ASB3: variants seen among roughly 807,000 people sequenced by gnomAD.
ASB3 encodes ankyrin repeat and SOCS box protein 3.
A neutral mutation model predicts 54.5 loss-of-function variants in ASB3; 41 were observed. That is an observed-to-expected ratio of 0.75 (90% CI 0.59 to 0.98). ASB3 has a LOEUF of 0.98. Ranked by LOEUF, ASB3 falls within the 50% of genes least tolerant of loss-of-function variation. The probability of loss-of-function intolerance (pLI) is 0.00; values close to 1 mark genes in which losing one functional copy is unlikely to be tolerated. For synonymous variants in ASB3, 266 were observed against 221.2 expected (o/e 1.20, Z -1.80); for missense variants, 733 against 620.0 (o/e 1.18, Z -1.94).
chr2:53,719,871 G>A (rs1670602515), intron 5 of ASB3, among the ~76,000 whole-genome samples: 1 of 152,110 alleles, frequency 6.6e-6, no homozygotes, highest in Non-Finnish European at 1.5e-5. Flanking sequence ...AGACCAGCCA[G>A]GGCAATGTGA....
intron 4 of ASB3, 99 bp downstream of exon 4, chr2:53,729,359 T>A: frequency 1.7e-6 from 2 of 1,174,722 alleles, no homozygotes; most frequent in South Asian, 1.4e-5. Flanking sequence ...CCATCATAAA[T>A]CACAGGCAAG....
chr2:53,767,033 T>C (rs910713638), intron 1 of ASB3, among the ~76,000 whole-genome samples: 1 of 152,206 alleles, frequency 6.6e-6, no homozygotes, highest in African/African-American at 2.4e-5. Context: ...CAAAAAATTT[T>C]AGGATCCTTG....
chr2:53,719,046 G>A (rs752901578), intron 5 of ASB3, among the ~76,000 whole-genome samples: 25 of 152,024 alleles, frequency 1.6e-4, no homozygotes, highest in Non-Finnish European at 2.9e-4. Context: ...TCAGCCTCCC[G>A]AGTAGCTGGG....
At chr2:53,766,257 A>G (rs1673446481) in intron 1 of ASB3, among the ~76,000 whole-genome samples, 1 of 152,172 alleles carries the variant, frequency 6.6e-6, no homozygotes, top group Non-Finnish European at 1.5e-5. Flanking sequence ...AAAGTTCTTA[A>G]CAGAGTTCTT....
Position 53,700,396 on chromosome 2 carries a change from C to A in ASB3, c.1113G>T (p.Leu371Phe). Residue 371 changes from leucine to phenylalanine, a missense_variant, in exon 8 of 10, where the codon TTG becomes TTT. By Grantham distance (22) the Leu-to-Phe change is conservative (BLOSUM62 0). Transcript: ENST00000263634. ...ATTCATATATATGGTTCCATGGTCC[C>A]AATGAGCAACCTTTCCTCAAAAAGT... ...FRYFLRKGCS[L>F]GPWNHIYEFV... is the part of the protein sequence containing the mutation. 6.2e-7 allele frequency: 1 copy of A among 1,614,034 alleles called. No homozygotes were observed. The highest frequency in any genetic ancestry group is 8.5e-7 in the Non-Finnish European group (1 of 1,179,996).
At chr2:53,751,494 T>C (rs1489377749) in intron 2 of ASB3, among the ~76,000 whole-genome samples, 1 of 152,070 alleles carries the variant, frequency 6.6e-6, no homozygotes, top group East Asian at 1.9e-4. Flanking sequence ...TGACATATAA[T>C]AAGGAATTTA....
At chr2:53,737,272 G>A (rs987912750) in intron 3 of ASB3, among the ~76,000 whole-genome samples, 4 of 152,184 alleles carry the variant, frequency 2.6e-5, no homozygotes, top group Admixed American at 1.3e-4. Context: ...TTACGGTACA[G>A]TGAGCTGAAG....
chr2:53,774,744 TACTC>T (rs1359522098), intron 1 of ASB3: 3 of 402,160 alleles, frequency 7.5e-6, no homozygotes, highest in African/African-American at 6.2e-5. Context: ...ATTGAACACT[TACTC>T]ACTAGAAGTG....
At chr2:53,711,665 T>C (rs968540417) in intron 7 of ASB3, among the ~76,000 whole-genome samples, 5 of 151,990 alleles carry the variant, frequency 3.3e-5, no homozygotes, top group African/African-American at 1.2e-4. Context: ...TCCCAGCTAC[T>C]TGGGTGGCTG....
chr2:53,751,541 C>T (rs1369585393), intron 2 of ASB3, among the ~76,000 whole-genome samples: 2 of 151,962 alleles, frequency 1.3e-5, no homozygotes, highest in Middle Eastern at 3.2e-3. Flanking sequence ...GTCATGAAAA[C>T]GTCAAGGTTC....
At chr2:53,729,997 A>G (rs553215241) in intron 3 of ASB3, among the ~76,000 whole-genome samples, 2 of 152,372 alleles carry the variant, frequency 1.3e-5, no homozygotes, top group African/African-American at 4.8e-5. Flanking sequence ...AAAATGAAAA[A>G]GCAACTTCTT....
At chr2:53,768,715 T>C (rs1470355969) in intron 1 of ASB3, among the ~76,000 whole-genome samples, 1 of 152,258 alleles carries the variant, frequency 6.6e-6, no homozygotes, top group Non-Finnish European at 1.5e-5. Flanking sequence ...CTCATAATTA[T>C]AATATGAAAT....
intron 7 of ASB3, among the ~76,000 whole-genome samples, chr2:53,706,049 T>C (rs892948432): frequency 6.6e-6 from 1 of 152,176 alleles, no homozygotes; most frequent in Non-Finnish European, 1.5e-5. Context: ...TTACAAAGCA[T>C]TTTCACAACT....
In ASB3 at chr2:53,709,241, T is replaced by C. The variant is rs899525977; in HGVS notation, c.980+5143A>G. 7.9e-5 allele frequency among the ~76,000 whole-genome samples: 12 copies of C among 152,334 alleles called. No individual in the cohort carries two copies. In the South Asian group the frequency reaches 1.0e-3, roughly 13 times the overall value. ...CCCTGCATCCTAGCCACTCCTGCTA[T>C]GGCTCAAAGGGGCCCAGGTACAGCT... On this transcript the variant is annotated intron_variant, in intron 7 of 9. Coordinates refer to ENST00000263634, the MANE Select transcript of ASB3 (RefSeq NM_016115.5).
chr2:53,777,259 C>G (rs1444841312), intron 1 of ASB3, among the ~76,000 whole-genome samples: 4 of 152,160 alleles, frequency 2.6e-5, no homozygotes, highest in African/African-American at 7.2e-5. Flanking sequence ...CTTTCCAATT[C>G]AACTTTACTC....
intron 1 of ASB3, chr2:53,768,188 C>G (rs1673628701): frequency 2.6e-6 from 2 of 782,068 alleles, no homozygotes; most frequent in Admixed American, 5.8e-5. Context: ...TGCCCGCCAT[C>G]TCTAACCCAG....
At position 53,729,562 on chromosome 2, in the gene ASB3, T is replaced by G; in HGVS notation, c.364A>C (p.Asn122His). 1 of 1,613,686 alleles carries G rather than the reference T, an allele frequency of 6.2e-7. No homozygotes were observed. The highest frequency in any genetic ancestry group is 8.5e-7 in the Non-Finnish European group (1 of 1,179,672). The change falls in exon 4 of 10, where the codon AAT becomes CAT. Residue 122 changes from asparagine (N) to histidine (H), a missense_variant. Physicochemically the swap from Asn to His is moderately conservative, Grantham distance 68. Transcript: ENST00000263634. ...AGCCTTAACACATCTATCTGTCCAT[T>G]TTCAACAGCTGTAATACAGCAGTTA... Reference protein sequence around the residue: ...ETTPLFLAVENGQIDVLRLLL... With the variant: ...ETTPLFLAVEHGQIDVLRLLL...
chr2:53,753,804 T>C (rs1300194214), intron 2 of ASB3, among the ~76,000 whole-genome samples: 1 of 150,510 alleles, frequency 6.6e-6, no homozygotes, highest in Admixed American at 6.6e-5. Flanking sequence ...CTGGGTAATT[T>C]TTTGTATTTT....
intron 3 of ASB3, among the ~76,000 whole-genome samples, chr2:53,749,008 A>T (rs1304212344): frequency 6.6e-6 from 1 of 152,136 alleles, no homozygotes; most frequent in Non-Finnish European, 1.5e-5. Flanking sequence ...TCTCAAAAGG[A>T]TTAAAAAAAA....
Sources: gnomAD v4.1 joint callset for allele counts (sites outside exome capture counted in the v4.1 genomes callset) on GRCh38, gnomAD v4.1.1 for gene constraint, MANE v1.5 for transcripts, NCBI Gene and HGNC (gene_info 2026-07-23, HGNC 2026-07-21) for gene names.